The following CDH13 variants were observed in gnomAD, a reference collection of about 807,000 sequenced individuals.
CDH13 encodes cadherin 13.
CDH13 carries 24 observed loss-of-function variants against 63.8 expected under a neutral mutation model. The ratio of observed to expected loss-of-function variants is 0.38; its 90% CI spans 0.27 to 0.53. The LOEUF is 0.53. Ranked by LOEUF, CDH13 falls within the 20% of genes least tolerant of loss-of-function variation. The pLI is 0.85. For missense variants in CDH13, 1,049 were observed against 903.1 expected (o/e 1.16, Z -2.07); for synonymous variants, 503 against 355.3 (o/e 1.42, Z -4.67).
chr16:83,116,753 G>A (rs1597366458), intron 3 of CDH13, among the ~76,000 whole-genome samples: 2 of 152,292 alleles, frequency 1.3e-5, no homozygotes, highest in South Asian at 2.1e-4. Flanking sequence ...CACTTAAAAC[G>A]GGTGAATTTC....
At chr16:83,331,787 C>G (rs1277694661) in intron 5 of CDH13, among the ~76,000 whole-genome samples, 1 of 152,156 alleles carries the variant, frequency 6.6e-6, no homozygotes, top group East Asian at 1.9e-4. Flanking sequence ...TTTTTACATT[C>G]TCTAAAGTGT....
intron 2 of CDH13, among the ~76,000 whole-genome samples, chr16:82,913,240 G>A (rs986400281): frequency 1.3e-5 from 2 of 152,026 alleles, no homozygotes; most frequent in African/African-American, 4.8e-5. Flanking sequence ...TTTCCAAAGG[G>A]CAGGTAGCAG....
At chr16:83,583,247 C>A (rs969684703) in intron 7 of CDH13, among the ~76,000 whole-genome samples, 1 of 152,190 alleles carries the variant, frequency 6.6e-6, no homozygotes, top group African/African-American at 2.4e-5. Flanking sequence ...GTCTCCAGAT[C>A]TTTAACTTAA....
At chr16:82,803,623 C>T (rs555294320) in intron 1 of CDH13, among the ~76,000 whole-genome samples, 1 of 152,158 alleles carries the variant, frequency 6.6e-6, no homozygotes, top group Non-Finnish European at 1.5e-5. Flanking sequence ...ATATGCATGC[C>T]GTGGGATATC....
chr16:83,735,250 A>G (rs1172571351), intron 10 of CDH13: 2 of 152,086 alleles, frequency 1.3e-5, no homozygotes, highest in African/African-American at 4.8e-5. Flanking sequence ...GTCTTTCCTA[A>G]CCATTCGAGG....
chr16:83,743,373 G>A (rs905262657), intron 10 of CDH13, among the ~76,000 whole-genome samples: 12 of 152,098 alleles, frequency 7.9e-5, no homozygotes, highest in African/African-American at 1.7e-4. Context: ...GAAATGTGGC[G>A]CAGGCAGGCC....
At chr16:83,608,660 A>AT (rs754678790) in intron 8 of CDH13, among the ~76,000 whole-genome samples, 20,683 of 109,784 alleles carry the variant, frequency 0.19, 1,809 homozygotes, top group South Asian at 0.24. Flanking sequence ...TAATTTTTGT[A>AT]TTTTTTTTTT....
chr16:83,302,242 C>T (rs1200362813), intron 5 of CDH13, among the ~76,000 whole-genome samples: 1 of 152,200 alleles, frequency 6.6e-6, no homozygotes, highest in Non-Finnish European at 1.5e-5. Flanking sequence ...CCCGCTTTTA[C>T]TTCCCGGATA....
intron 1 of CDH13, among the ~76,000 whole-genome samples, chr16:82,697,222 T>G (rs2030407971): frequency 6.6e-6 from 1 of 152,098 alleles, no homozygotes; most frequent in Non-Finnish European, 1.5e-5. Context: ...ACCACCACAC[T>G]ATGTCATCAA....
intron 2 of CDH13, among the ~76,000 whole-genome samples, chr16:82,986,831 A>G (rs1911001973): frequency 6.6e-6 from 1 of 152,240 alleles, no homozygotes; most frequent in Non-Finnish European, 1.5e-5. Context: ...TCATTCTGTC[A>G]TACCTGGAAC....
chr16:83,256,452 A>G (rs370775516), intron 5 of CDH13, among the ~76,000 whole-genome samples: 2 of 152,246 alleles, frequency 1.3e-5, no homozygotes, highest in Admixed American at 6.5e-5. Context: ...TGAGGCTACA[A>G]GAGCATTAGA....
rs558082014 is a variant in CDH13 at position 82,644,364 on chromosome 16, C to T, written c.45+17227C>T. On this transcript the variant is annotated intron_variant, in intron 1 of 13. Transcript: ENST00000567109. This position sits in a 1 kb window ranked among gnomAD's most constrained non-coding sequence, Gnocchi z 5.7. ...CTGCGTCTCCCTCTGTGCTCTCCAT[C>T]ACCCCCCTACGGAGTTCCTTTGATT... 6.6e-6 allele frequency among the ~76,000 whole-genome samples: 1 copy of T among 152,276 alleles called. No homozygotes were observed. The highest frequency in any genetic ancestry group is 2.1e-4 in the South Asian group (1 of 4,818).
intron 8 of CDH13, among the ~76,000 whole-genome samples, chr16:83,652,596 G>A (rs1912490533): frequency 6.6e-6 from 1 of 152,174 alleles, no homozygotes; most frequent in African/African-American, 2.4e-5. Flanking sequence ...GGCCCCTCAT[G>A]CCATTCACAA....
chr16:83,790,823 CACG>C (rs1597239593), intron 13 of CDH13, among the ~76,000 whole-genome samples: 1 of 152,176 alleles, frequency 6.6e-6, no homozygotes, highest in African/African-American at 2.4e-5. Flanking sequence ...GTTTTTCTAG[CACG>C]ACTTTTATGG....
At chr16:83,199,195 A>C (rs1469136713) in intron 4 of CDH13, among the ~76,000 whole-genome samples, 1 of 152,220 alleles carries the variant, frequency 6.6e-6, no homozygotes, top group Non-Finnish European at 1.5e-5. Context: ...GTGCCTTGTG[A>C]CAGTTAGCAC....
At chr16:83,380,664 G>C (rs1244436186) in intron 6 of CDH13, among the ~76,000 whole-genome samples, 1 of 152,124 alleles carries the variant, frequency 6.6e-6, no homozygotes, top group Non-Finnish European at 1.5e-5. Context: ...CATGGCTCAA[G>C]GTGGCTGATT....
At chr16:83,421,588 C>G (rs2071715463) in intron 6 of CDH13, among the ~76,000 whole-genome samples, 1 of 152,160 alleles carries the variant, frequency 6.6e-6, no homozygotes, top group Admixed American at 6.5e-5. Flanking sequence ...ATCTTTTCTT[C>G]CATCAGGAAA....
At chr16:83,408,095 A>T (rs1276966281) in intron 6 of CDH13, among the ~76,000 whole-genome samples, 1 of 152,152 alleles carries the variant, frequency 6.6e-6, no homozygotes, top group East Asian at 1.9e-4. Context: ...CAACGTTCAG[A>T]ATCCTCATTT....
chr16:83,325,495 T>G (rs1214035437), intron 5 of CDH13, among the ~76,000 whole-genome samples: 1 of 152,206 alleles, frequency 6.6e-6, no homozygotes, highest in African/African-American at 2.4e-5. Flanking sequence ...TTGCGAGTCA[T>G]GCAGACCCTT....
Sources: allele counts gnomAD v4.1 joint callset (sites outside exome capture counted in the v4.1 genomes callset), GRCh38; gene constraint gnomAD v4.1.1; non-coding constraint Gnocchi (gnomAD v3.1); transcripts MANE v1.5; gene names NCBI Gene and HGNC (gene_info 2026-07-23, HGNC 2026-07-21).